Variants in RIPOR2 observed in about 807,000 individuals in gnomAD.
RIPOR2 encodes the protein RHO family interacting cell polarization regulator 2.
Under a neutral mutation model 114.5 loss-of-function variants are expected in RIPOR2, and 39 were observed. The ratio of observed to expected loss-of-function variants is 0.34; its 90% confidence interval spans 0.26 to 0.44. The LOEUF (loss-of-function observed/expected upper bound fraction) is 0.44, where lower values mean the gene tolerates loss of function less well. Among genes scored for constraint, RIPOR2 ranks in the 20% least tolerant of loss-of-function variants. The pLI, the probability that RIPOR2 is intolerant of heterozygous loss-of-function variation, is 1.00. For synonymous variants in RIPOR2, 445 were observed against 484.4 expected (o/e 0.92, Z 1.07); for missense variants, 1,007 against 1,255.1 (o/e 0.80, Z 2.99).
At chr6:24,915,029 G>A (rs980879024) in intron 1 of RIPOR2, among the ~76,000 whole-genome samples, 1 of 152,108 alleles carries the variant, frequency 6.6e-6, no homozygotes, top group Non-Finnish European at 1.5e-5. Flanking sequence ...CTATTGTTCT[G>A]GTGAATTTGG....
In RIPOR2 at chr6:24,875,800, G is replaced by A; in HGVS notation, c.79C>T (p.Pro27Ser). The A allele has an allele frequency of 6.2e-7, 1 of 1,611,794 alleles. No homozygotes were observed. Among genetic ancestry groups the A allele is most frequent in the Non-Finnish European group, 8.5e-7 (1 of 1,178,940 alleles). ...TGGGATCCTACCAACATGATTTCCG[G>A]GAGTCTGGTCGGTAGTCCTAGAAGA... is the stretch of plus-strand genomic sequence containing the variant. ...VFGEGLPTRL[P>S]EIMLVGSQSF... The change falls in exon 2 of 22, where the codon CCG becomes TCG. Residue 27 changes from proline (P) to serine (S), a missense_variant. Pro to Ser is a moderately conservative substitution (Grantham distance 74). Coordinates refer to ENST00000643898, the MANE Select transcript of RIPOR2 (RefSeq NM_001286445.3).
At chr6:24,848,572 A>T (rs1209776260) in intron 11 of RIPOR2, among the ~76,000 whole-genome samples, 1 of 152,172 alleles carries the variant, frequency 6.6e-6, no homozygotes, top group Non-Finnish European at 1.5e-5. Flanking sequence ...TAAAGAAAAC[A>T]CTCAAAAATA....
Position 24,822,008 on chromosome 6 carries a change from G to A in RIPOR2, c.2868+3218C>T, listed in dbSNP as rs1759744372. Among the ~76,000 whole-genome samples the A allele has an allele frequency of 2.6e-5, 4 of 152,308 alleles. No homozygotes were observed. In the East Asian group the frequency reaches 7.7e-4, roughly 29 times the overall value. On this transcript the variant is annotated intron_variant, in intron 19 of 21. Transcript: ENST00000643898. The stretch of plus-strand genomic sequence containing the variant: ...AGTCCCTTGATATGAGTAAAAGAGG[G>A]AAATGGCAGGAGTTCAAGGCTGTAG...
intron 1 of RIPOR2, among the ~76,000 whole-genome samples, chr6:24,997,193 A>G (rs556881633): frequency 2.0e-5 from 3 of 152,328 alleles, no homozygotes; most frequent in African/African-American, 7.2e-5. Context: ...GGATGCAGGC[A>G]TTTGTGTTTT....
At position 24,935,208 on chromosome 6, in the gene RIPOR2, T is replaced by C. The variant is rs187610282; in HGVS notation, c.61+630A>G. ...CTGTAGTCCCAGCTACTTGGGAGGC[T>C]GAGGCAGGAGAATGACTTGAACCCG... On this transcript the variant is annotated intron_variant, in intron 1 of 21. Transcript: ENST00000643898. 7.8e-3 allele frequency among the ~76,000 whole-genome samples: 1,172 copies of C among 150,928 alleles called. 17 individuals are homozygous for C. The highest frequency in any genetic ancestry group is 0.025 in the African/African-American group (1,036 of 40,942).
intron 8 of RIPOR2, among the ~76,000 whole-genome samples, chr6:24,855,263 A>G (rs1404902010): frequency 6.6e-6 from 1 of 152,216 alleles, no homozygotes; most frequent in Non-Finnish European, 1.5e-5. Context: ...AAAGATGTAA[A>G]AAAGATCACA....
chr6:24,805,792 T>C lies in RIPOR2; in HGVS notation c.*581A>G, dbSNP rs1424281913. 1 of 152,134 alleles carries C rather than the reference T, an allele frequency of 6.6e-6. No homozygotes were observed. The highest frequency in any genetic ancestry group is 6.6e-5 in the Admixed American group (1 of 15,254). 9.4% of individuals were successfully genotyped at this position (152,134 alleles called of 1,614,324 possible). A position where few individuals can be genotyped will look rare whatever the true frequency, so the allele number is the denominator to read the frequency against. On this transcript the variant is annotated 3_prime_UTR_variant, in exon 22 of 22. Transcript: ENST00000643898. ...TTTTTAAATTTCATACATATTAAGA[T>C]AAGATGGACTCTTTCACTGAGTATT...
chr6:24,847,687 C>T (rs1241170787), intron 12 of RIPOR2: 2 of 1,550,372 alleles, frequency 1.3e-6, no homozygotes, highest in African/African-American at 1.4e-5. Flanking sequence ...AGGATGCAGC[C>T]ACCTCTTCAG....
chr6:24,861,913 C>T (rs1764107184), intron 7 of RIPOR2, among the ~76,000 whole-genome samples: 1 of 152,130 alleles, frequency 6.6e-6, no homozygotes, highest in South Asian at 2.1e-4. Flanking sequence ...TGAAATTTTT[C>T]TTAAAAATTT....
At chr6:24,841,309 T>TGGTATTCTACTGGTATTC (rs1761691348) in intron 13 of RIPOR2, among the ~76,000 whole-genome samples, 1 of 152,170 alleles carries the variant, frequency 6.6e-6, no homozygotes, top group Non-Finnish European at 1.5e-5. Flanking sequence ...AGATAGGTGT[T>TGGTATTCTACTGGTATTC]TAGTAGAATA....
rs1302465962 is a variant in RIPOR2, at chr6:24,961,284, C to T, written c.76+80567G>A. On this transcript the variant is annotated intron_variant, in intron 1 of 13. Coordinates refer to the RIPOR2 transcript ENST00000510784. The stretch of plus-strand genomic sequence containing the variant: ...GAACTGATAAGACATCGGGGGGATA[C>T]TTGTTGGAGAAGGGAGTATTCCAGG... Among the ~76,000 whole-genome samples, 6 of 152,224 alleles carry T rather than the reference C, an allele frequency of 3.9e-5. No individual in the cohort carries two copies. In the East Asian group the frequency reaches 1.2e-3, roughly 29 times the overall value.
At chr6:24,866,518 A>T (rs961649773) in intron 6 of RIPOR2, among the ~76,000 whole-genome samples, 32 of 136,762 alleles carry the variant, frequency 2.3e-4, no homozygotes, top group African/African-American at 5.7e-4. Context: ...AGGGTTGAAA[A>T]TTTTTTTTTT....
chr6:24,847,614 C>G, intron 12 of RIPOR2: 1 of 1,551,674 alleles, frequency 6.4e-7, no homozygotes, highest in Non-Finnish European at 8.7e-7. Context: ...TGCGGTGCAG[C>G]TTGGCAAAGA....
At chr6:24,902,082 G>C (rs1432749801) in intron 1 of RIPOR2, among the ~76,000 whole-genome samples, 1 of 152,236 alleles carries the variant, frequency 6.6e-6, no homozygotes, top group Admixed American at 6.5e-5. Flanking sequence ...GTGCAGAAGA[G>C]AAGCGGTAGA....
intron 1 of RIPOR2, among the ~76,000 whole-genome samples, chr6:24,968,196 G>T (rs968879377): frequency 7.9e-5 from 12 of 152,124 alleles, no homozygotes; most frequent in African/African-American, 2.9e-4. Flanking sequence ...ATGAGCCACT[G>T]CACCCAGCCA....
chr6:25,010,301 G>A (rs1775724006), intron 1 of RIPOR2, among the ~76,000 whole-genome samples: 1 of 152,062 alleles, frequency 6.6e-6, no homozygotes. Context: ...TTGTTAGAAA[G>A]AGCCTGGCCC....
chr6:24,946,428 C>T lies in RIPOR2; in HGVS notation c.77-70611G>A, dbSNP rs1035907433. Among the ~76,000 whole-genome samples the T allele has an allele frequency of 2.6e-5, 4 of 152,090 alleles. No individual in the cohort carries two copies. The South Asian group carries it at 8.3e-4, about 32-fold the overall frequency. ...GATTCTGAAAAATTACATACCTTCACGCATTGGAAACCTTGTATCCTGTAA... is the reference window on the plus strand; with the variant it reads ...GATTCTGAAAAATTACATACCTTCATGCATTGGAAACCTTGTATCCTGTAA... On this transcript the variant is annotated intron_variant, in intron 1 of 13. Transcript: ENST00000510784.
rs1764007490 is a variant in RIPOR2, at chr6:24,860,901, C to A, written c.715+72G>T. On this transcript the variant is annotated intron_variant, in intron 8 of 21. Transcript: ENST00000643898. ...GCAAGGAAAATAAAAATAGCATGGGCTCTCAAACTTCAAGGAGCTCTGCAC... is the reference window on the plus strand; with the variant it reads ...GCAAGGAAAATAAAAATAGCATGGGATCTCAAACTTCAAGGAGCTCTGCAC... 6 of 925,324 alleles carry A rather than the reference C, an allele frequency of 6.5e-6. No homozygotes were observed. In the East Asian group the frequency reaches 8.2e-5, roughly 13 times the overall value. 57.3% of individuals were successfully genotyped at this position (925,324 alleles called of 1,614,324 possible). A position where few individuals can be genotyped will look rare whatever the true frequency, so the allele number is the denominator to read the frequency against.
At chr6:24,937,559 A>T (rs1771884738), upstream of RIPOR2, among the ~76,000 whole-genome samples, 1 of 152,162 alleles carries the variant, frequency 6.6e-6, no homozygotes, top group African/African-American at 2.4e-5. Flanking sequence ...CATAAATTAA[A>T]TTAATTAAAA....
Sources: allele counts gnomAD v4.1 joint callset (sites outside exome capture counted in the v4.1 genomes callset), GRCh38; gene constraint gnomAD v4.1.1; transcripts MANE v1.5; gene names NCBI Gene and HGNC (gene_info 2026-07-23, HGNC 2026-07-21).